Variants in FARS2 observed in about 807,000 individuals in gnomAD.
FARS2 encodes the protein phenylalanine--tRNA ligase, mitochondrial.
A neutral mutation model predicts 46.4 loss-of-function variants in FARS2; 40 were observed. That is an observed-to-expected ratio of 0.86 (90% CI 0.67 to 1.12). The LOEUF (loss-of-function observed/expected upper bound fraction) is 1.12, where lower values mean the gene tolerates loss of function less well. Ranked by LOEUF, FARS2 falls within the 50% of genes most tolerant of loss-of-function variation. The probability of loss-of-function intolerance (pLI) is 0.00; values close to 1 mark genes in which losing one functional copy is unlikely to be tolerated. For missense variants in FARS2, 513 were observed against 567.9 expected, an observed-to-expected ratio of 0.90 and a Z score of 0.98; for synonymous variants, 234 against 214.9, an observed-to-expected ratio of 1.09 and a Z score of -0.78.
intron 6 of FARS2, among the ~76,000 whole-genome samples, chr6:5,623,739 C>T (rs1775895555): frequency 6.7e-6 from 1 of 150,284 alleles, no homozygotes; most frequent in African/African-American, 2.5e-5. Context: ...AAAATAAAGA[C>T]TTTGTAAAGT....
intron 4 of FARS2, among the ~76,000 whole-genome samples, chr6:5,433,891 C>T (rs1199308149): frequency 6.6e-6 from 1 of 152,096 alleles, no homozygotes; most frequent in Admixed American, 6.5e-5. Context: ...TTTATTCACA[C>T]AGTAATTGGC....
intron 2 of FARS2, among the ~76,000 whole-genome samples, chr6:5,372,892 A>G (rs762304824): frequency 1.3e-5 from 2 of 152,182 alleles, no homozygotes; most frequent in African/African-American, 2.4e-5. Flanking sequence ...TAAGTGTTCA[A>G]TTTATGATGC....
intron 6 of FARS2, among the ~76,000 whole-genome samples, chr6:5,758,187 G>A (rs940084043): frequency 6.6e-6 from 1 of 151,982 alleles, no homozygotes; most frequent in African/African-American, 2.4e-5. Flanking sequence ...TTGAAGTCCT[G>A]TAATGCAGCC....
chr6:5,580,231 A>G (rs1773244989), intron 5 of FARS2, among the ~76,000 whole-genome samples: 1 of 142,628 alleles, frequency 7.0e-6, no homozygotes, highest in Non-Finnish European at 1.5e-5. Context: ...TGGAGGTTAC[A>G]GTGACCCGAG....
At chr6:5,716,466 A>G (rs1038750485) in intron 6 of FARS2, among the ~76,000 whole-genome samples, 6 of 152,138 alleles carry the variant, frequency 3.9e-5, no homozygotes, top group African/African-American at 9.7e-5. Flanking sequence ...TTCCACAACA[A>G]TCAACACAGA....
chr6:5,259,253 G>A (rs1314641885), upstream of FARS2, among the ~76,000 whole-genome samples: 1 of 152,142 alleles, frequency 6.6e-6, no homozygotes, highest in Non-Finnish European at 1.5e-5. Flanking sequence ...AAATCAAATG[G>A]TTTCTATTTA....
At chr6:5,341,015 A>G (rs1396728502) in intron 1 of FARS2, among the ~76,000 whole-genome samples, 1 of 150,640 alleles carries the variant, frequency 6.6e-6, no homozygotes, top group Non-Finnish European at 1.5e-5. Flanking sequence ...AGGCATGGTG[A>G]CGTGCGCCTG....
At chr6:5,672,643 C>T (rs1401622981) in intron 6 of FARS2, among the ~76,000 whole-genome samples, 9 of 152,182 alleles carry the variant, frequency 5.9e-5, no homozygotes, top group Admixed American at 5.9e-4. Flanking sequence ...AGCATTTCTA[C>T]ACCTCCCTCC....
upstream of FARS2, chr6:5,260,930 G>T (rs1029525217): frequency 5.5e-5 from 75 of 1,358,794 alleles, no homozygotes; most frequent in African/African-American, 9.1e-4. Flanking sequence ...GCCGCTTCGG[G>T]GGCGGGCGCA....
At chr6:5,687,115 T>TAGATTGCAA (rs1051163620) in intron 6 of FARS2, among the ~76,000 whole-genome samples, 1 of 152,212 alleles carries the variant, frequency 6.6e-6, no homozygotes, top group African/African-American at 2.4e-5. Context: ...GTCAGATAAG[T>TAGATTGCAA]AGATTGCAAA....
chr6:5,453,601 A>G (rs1764640102), intron 4 of FARS2, among the ~76,000 whole-genome samples: 1 of 152,228 alleles, frequency 6.6e-6, no homozygotes, highest in Admixed American at 6.5e-5. Flanking sequence ...TGTTTAACAT[A>G]TGATGAAGTT....
intron 5 of FARS2, among the ~76,000 whole-genome samples, chr6:5,572,134 T>C (rs1289468724): frequency 1.3e-5 from 2 of 152,172 alleles, no homozygotes; most frequent in Non-Finnish European, 2.9e-5. Context: ...CTGGGTAATT[T>C]TATAAAGAAA....
chr6:5,321,928 G>C (rs1770006293), intron 1 of FARS2, among the ~76,000 whole-genome samples: 1 of 152,158 alleles, frequency 6.6e-6, no homozygotes, highest in South Asian at 2.1e-4. Flanking sequence ...TGGTGTGGTG[G>C]GACATAAGTT....
At chr6:5,320,246 C>T (rs1020665039) in intron 1 of FARS2, among the ~76,000 whole-genome samples, 15 of 152,190 alleles carry the variant, frequency 9.9e-5, no homozygotes, top group Non-Finnish European at 4.4e-5. Context: ...CTCCCTGGCT[C>T]GTCTAACAGA....
chr6:5,707,705 A>T (rs78921673), intron 6 of FARS2, among the ~76,000 whole-genome samples: 3,765 of 152,248 alleles, frequency 0.025, 175 homozygotes, highest in African/African-American at 0.086. Flanking sequence ...CTACTTTGAA[A>T]ATCCTGAAGC....
At chr6:5,551,849 C>T (rs1003706984) in intron 5 of FARS2, among the ~76,000 whole-genome samples, 2 of 152,174 alleles carry the variant, frequency 1.3e-5, no homozygotes, top group Non-Finnish European at 2.9e-5. Flanking sequence ...CTGTAAACAC[C>T]TCACCCTCTC....
chr6:5,328,246 C>T (rs748096923), intron 1 of FARS2, among the ~76,000 whole-genome samples: 8 of 152,192 alleles, frequency 5.3e-5, no homozygotes, highest in Non-Finnish European at 1.2e-4. Flanking sequence ...AATGCTCAGT[C>T]TCCCTCCTTG....
chr6:5,732,192 G>A (rs1760670797), intron 6 of FARS2, among the ~76,000 whole-genome samples: 1 of 152,230 alleles, frequency 6.6e-6, no homozygotes, highest in Non-Finnish European at 1.5e-5. Flanking sequence ...GGACACAAAA[G>A]TGAATGAACA....
At chr6:5,429,246 T>G (rs1049909192) in intron 3 of FARS2, among the ~76,000 whole-genome samples, 1 of 152,090 alleles carries the variant, frequency 6.6e-6, no homozygotes, top group Non-Finnish European at 1.5e-5. Flanking sequence ...CACTTTAATG[T>G]TTGTCTATTT....
Sources: allele counts gnomAD v4.1 joint callset (sites outside exome capture counted in the v4.1 genomes callset), GRCh38; gene constraint gnomAD v4.1.1; transcripts MANE v1.5; gene names NCBI Gene and HGNC (gene_info 2026-07-23, HGNC 2026-07-21).